Variants in GEMIN5 observed in about 807,000 individuals in gnomAD.
GEMIN5 encodes gem nuclear organelle associated protein 5, also known as gem-associated protein 5.
Under a neutral mutation model 176.9 loss-of-function variants are expected in GEMIN5, and 124 were observed. That is an observed-to-expected ratio of 0.70 (90% CI 0.61 to 0.81). The LOEUF (loss-of-function observed/expected upper bound fraction) is 0.81, where lower values mean the gene tolerates loss of function less well. Ranked by LOEUF, GEMIN5 falls within the 40% of genes least tolerant of loss-of-function variation. The pLI, the probability that GEMIN5 is intolerant of heterozygous loss-of-function variation, is 0.00. For synonymous variants in GEMIN5, 673 were observed against 665.2 expected (o/e 1.01, Z -0.18); for missense variants, 1,843 against 1,814.6 (o/e 1.02, Z -0.28).
At chr5:154,890,002 CT>C (rs1763190950) in intron 26 of GEMIN5, among the ~76,000 whole-genome samples, 1 of 152,214 alleles carries the variant, frequency 6.6e-6, no homozygotes, top group Admixed American at 6.5e-5. Context: ...GTGCTGGATC[CT>C]ATGGTCATTC....
chr5:154,912,982 G>A lies in GEMIN5; in HGVS notation c.1912C>T (p.His638Tyr), dbSNP rs1178466273. ...ITEPYRTLSG[H>Y]TAKITSVAWS... Reference sequence around the variant, plus strand: ...GCCACACTGGTAATCTTGGCCGTATGCCCTGAGAGGGTCCGGTAGGGCTCT... The same window carrying A: ...GCCACACTGGTAATCTTGGCCGTATACCCTGAGAGGGTCCGGTAGGGCTCT... The change falls in exon 14 of 28, where the codon CAT becomes TAT. Residue 638 changes from histidine to tyrosine, a missense_variant. Transcript: ENST00000285873. 1.9e-6 allele frequency: 3 copies of A among 1,613,414 alleles called. No homozygotes were observed. Among genetic ancestry groups the A allele is most frequent in the Non-Finnish European group, 1.7e-6 (2 of 1,179,474 alleles).
rs141426030 is a variant in GEMIN5, at chr5:154,928,455, C to T, written c.914+72G>A. On this transcript the variant is annotated intron_variant, in intron 6 of 27. Transcript: ENST00000285873. ...TACAAGCCTTGGCCATTACTTTCTC[C>T]ATCCTAGGAGGACTTGAGGCCAAAT... 2.8e-4 allele frequency: 387 copies of T among 1,382,942 alleles called. No individual in the cohort carries two copies. In the African/African-American group the frequency reaches 5.2e-3, roughly 19 times the overall value. The allele number at this position is 1,382,942 out of a possible 1,614,324, so 85.7% of individuals were successfully genotyped here.
chr5:154,888,436 C>A, intron 27 of GEMIN5, 59 bp from the exon 28 acceptor site: 1 of 1,467,492 alleles, frequency 6.8e-7, no homozygotes, highest in Non-Finnish European at 9.4e-7. Flanking sequence ...CCACAAACAC[C>A]TGCACAGAAG....
chr5:154,918,329 A>C (rs1763855174), intron 11 of GEMIN5, among the ~76,000 whole-genome samples: 1 of 152,236 alleles, frequency 6.6e-6, no homozygotes, highest in East Asian at 1.9e-4. Flanking sequence ...ATGAGGCCTT[A>C]AAGAAAACTA....
chr5:154,924,049 G>A (rs348755), intron 9 of GEMIN5, among the ~76,000 whole-genome samples: 3 of 152,228 alleles, frequency 2.0e-5, no homozygotes, highest in Admixed American at 2.0e-4. Context: ...CCCACTGAAA[G>A]TATTATTTAA....
At chr5:154,917,814 T>A (rs1763843104) in intron 12 of GEMIN5, 117 bp downstream of exon 12, 4 of 714,302 alleles carry the variant, frequency 5.6e-6, no homozygotes, top group Non-Finnish European at 1.0e-5. Context: ...CAAGAATAAA[T>A]CAAAATACCA....
intron 24 of GEMIN5, 21 bp from the exon 25 acceptor site, chr5:154,892,570 C>CT (rs1280438181): frequency 2.5e-6 from 4 of 1,610,476 alleles, no homozygotes; most frequent in Non-Finnish European, 3.4e-6. Context: ...AAGCCAGAGT[C>CT]TGAGTTAAAC....
rs780303963 is a variant in GEMIN5, at chr5:154,891,646, T to C, written c.3857A>G (p.Tyr1286Cys). The change falls in exon 26 of 28, where the codon TAT becomes TGT. Residue 1286 changes from tyrosine (Y) to cysteine (C), a missense_variant. Tyr to Cys is a radical substitution (Grantham distance 194, BLOSUM62 -2). Coordinates refer to ENST00000285873, the MANE Select transcript of GEMIN5 (RefSeq NM_015465.5). ...TCTGGAGAGAGACCACCAGAATTCA[T>C]ACAGACGCCCATAAAGAAAAAAGGC... Reference protein sequence around the residue: ...LEAFFLYGRLYEFWWSLSRPC... With the variant: ...LEAFFLYGRLCEFWWSLSRPC... 1.2e-6 allele frequency: 2 copies of C among 1,614,060 alleles called. No homozygotes were observed. Among genetic ancestry groups the C allele is most frequent in the East Asian group, 4.5e-5 (2 of 44,880 alleles).
chr5:154,923,389 AAAG>A (rs748957417), intron 9 of GEMIN5, among the ~76,000 whole-genome samples: 2 of 152,216 alleles, frequency 1.3e-5, no homozygotes, highest in African/African-American at 2.4e-5. Flanking sequence ...TCCAAAAAAA[AAAG>A]GACAGCTCTG....
intron 15 of GEMIN5, among the ~76,000 whole-genome samples, chr5:154,910,180 G>A (rs1763672704): frequency 6.6e-6 from 1 of 151,898 alleles, no homozygotes; most frequent in Non-Finnish European, 1.5e-5. Context: ...ATGGACATTT[G>A]GATTGTTACC....
intron 15 of GEMIN5, 55 bp from the exon 16 acceptor site, chr5:154,907,873 C>T: frequency 8.0e-7 from 1 of 1,245,022 alleles, no homozygotes; most frequent in African/African-American, 1.5e-5. Context: ...GTTAAAAGCA[C>T]TCTAGGTGGT....
rs1441549054 is a variant in GEMIN5 at position 154,937,019 on chromosome 5, T to C, written c.327+6A>G. The C allele has an allele frequency of 1.2e-5, 19 of 1,608,282 alleles. No individual in the cohort carries two copies. Among genetic ancestry groups the C allele is most frequent in the Non-Finnish European group, 1.6e-5 (19 of 1,176,168 alleles). The stretch of plus-strand genomic sequence containing the variant: ...AACGGTTTGAGAAACCAGTAAGCCA[T>C]GGTACCTGATGGAGTGCATGTTCTG... On this transcript the variant is annotated splice_donor_region_variant and intron_variant, in intron 2 of 27. Coordinates refer to ENST00000285873, the MANE Select transcript of GEMIN5 (RefSeq NM_015465.5).
intron 5 of GEMIN5, among the ~76,000 whole-genome samples, chr5:154,930,496 A>G (rs1764138189): frequency 6.6e-6 from 1 of 152,250 alleles, no homozygotes; most frequent in Non-Finnish European, 1.5e-5. Context: ...ACACAATGGA[A>G]TATTATTCAG....
intron 10 of GEMIN5, among the ~76,000 whole-genome samples, chr5:154,920,794 T>C (rs1451370976): frequency 1.3e-5 from 2 of 152,186 alleles, no homozygotes; most frequent in African/African-American, 2.4e-5. Context: ...TCAGAGACTT[T>C]TGATGAATAC....
At chr5:154,931,782 AG>A (rs1422502683) in intron 4 of GEMIN5, 1 of 513,514 alleles carries the variant, frequency 1.9e-6, no homozygotes, top group Non-Finnish European at 3.4e-6. Flanking sequence ...TGGGAGGCTG[AG>A]GCAGGTGGAT....
chr5:154,894,852 AG>A (rs896220800), intron 24 of GEMIN5, among the ~76,000 whole-genome samples: 10 of 151,818 alleles, frequency 6.6e-5, no homozygotes, highest in Non-Finnish European at 1.5e-4. Flanking sequence ...GATTGCAGTG[AG>A]CCAAGATCAT....
intron 2 of GEMIN5, 118 bp from the exon 3 acceptor site, chr5:154,936,140 G>A: frequency 1.5e-6 from 1 of 661,584 alleles, no homozygotes; most frequent in Non-Finnish European, 2.5e-6. Flanking sequence ...AATACGGCCG[G>A]GCGCGGTGGC....
In GEMIN5 at chr5:154,909,827, A is replaced by G. The variant is rs115326955; in HGVS notation, c.2167+1900T>C. 5.2e-3 allele frequency among the ~76,000 whole-genome samples: 788 copies of G among 152,116 alleles called. 5 individuals are homozygous for G. The highest frequency in any genetic ancestry group is 0.018 in the African/African-American group (739 of 41,498). ...ATCCCTGTCTCTACTAAAAACACAA[A>G]CAATTAGCTGGGTGTGAGGCACGCA... On this transcript the variant is annotated intron_variant, in intron 15 of 27. Coordinates refer to ENST00000285873, the MANE Select transcript of GEMIN5 (RefSeq NM_015465.5).
At chr5:154,893,646 CTT>C (rs1763286175) in intron 24 of GEMIN5, among the ~76,000 whole-genome samples, 1 of 152,240 alleles carries the variant, frequency 6.6e-6, no homozygotes, top group South Asian at 2.1e-4. Flanking sequence ...CTGGTTGTCA[CTT>C]TAATTTTTTC....
Sources: gnomAD v4.1 joint callset for allele counts (sites outside exome capture counted in the v4.1 genomes callset) on GRCh38, gnomAD v4.1.1 for gene constraint, MANE v1.5 for transcripts, NCBI Gene and HGNC (gene_info 2026-07-23, HGNC 2026-07-21) for gene names.